Variants in RCL1 observed in about 807,000 individuals in gnomAD.
RCL1 encodes the protein RNA terminal phosphate cyclase like 1.
Under a neutral mutation model 42.4 loss-of-function variants are expected in RCL1, and 24 were observed. That is an observed-to-expected ratio of 0.57 (90% CI 0.41 to 0.80). The LOEUF (loss-of-function observed/expected upper bound fraction) is 0.80, where lower values mean the gene tolerates loss of function less well. Ranked by LOEUF, RCL1 falls within the 30% of genes least tolerant of loss-of-function variation. The pLI is 0.00. For synonymous variants in RCL1, 228 were observed against 177.3 expected (o/e 1.29, Z -2.27); for missense variants, 578 against 467.9 (o/e 1.24, Z -2.17).
intron 8 of RCL1, among the ~76,000 whole-genome samples, chr9:4,851,230 CAG>C (rs1473517455): frequency 6.6e-6 from 1 of 152,268 alleles, no homozygotes; most frequent in East Asian, 1.9e-4. Flanking sequence ...CCTGTGAAAA[CAG>C]TGTCCTGCTC....
intron 1 of RCL1, among the ~76,000 whole-genome samples, chr9:4,814,678 T>G (rs1443233365): frequency 1.3e-5 from 2 of 152,220 alleles, no homozygotes; most frequent in East Asian, 3.8e-4. Context: ...AGGTTTGATT[T>G]TTTTCTCTTT....
chr9:4,794,782 T>TC (rs1349328710), intron 1 of RCL1, among the ~76,000 whole-genome samples: 1 of 152,026 alleles, frequency 6.6e-6, no homozygotes, highest in Non-Finnish European at 1.5e-5. Context: ...CTTCTCCTTC[T>TC]CCCCCTCCAC....
rs1234416817 is a variant in RCL1, at chr9:4,860,348, T to G, written c.*73T>G. 1.1e-5 allele frequency: 17 copies of G among 1,499,694 alleles called. No individual in the cohort carries two copies. Among genetic ancestry groups the G allele is most frequent in the Non-Finnish European group, 1.4e-5 (16 of 1,105,574 alleles). The allele number at this position is 1,499,694 out of a possible 1,614,324, so 92.9% of individuals were successfully genotyped here. ...TGCCACGGACACCAATGGGACCAAGTCCAAATGGATTAATCCAGGACAGAA... is the reference window on the plus strand; with the variant it reads ...TGCCACGGACACCAATGGGACCAAGGCCAAATGGATTAATCCAGGACAGAA... On this transcript the variant is annotated 3_prime_UTR_variant, in exon 9 of 9. Transcript: ENST00000381750.
At chr9:4,806,379 CAAGTT>C (rs1359536625) in intron 1 of RCL1, among the ~76,000 whole-genome samples, 3 of 152,008 alleles carry the variant, frequency 2.0e-5, no homozygotes, top group African/African-American at 7.3e-5. Flanking sequence ...TTTAAAAAGT[CAAGTT>C]GAGAAAGTAA....
At position 4,827,049 on chromosome 9, in the gene RCL1, A is replaced by T; in HGVS notation, c.384+16A>T. ...TGACCCTTCAGTGAGTATTGAGAAC[A>T]AACCGTGGTGTGGTTTTTGTTTTGT... On this transcript the variant is annotated intron_variant, in intron 3 of 8. Coordinates refer to ENST00000381750, the MANE Select transcript of RCL1 (RefSeq NM_005772.5). The T allele has an allele frequency of 6.2e-7, 1 of 1,614,192 alleles. No homozygotes were observed. The highest frequency in any genetic ancestry group is 8.5e-7 in the Non-Finnish European group (1 of 1,180,016).
intron 7 of RCL1, among the ~76,000 whole-genome samples, chr9:4,846,894 C>CTTTTTTTTTTTTTCT (rs113376831): frequency 6.1e-5 from 9 of 148,604 alleles, no homozygotes; most frequent in Admixed American, 6.0e-4. Flanking sequence ...TAATATTTTT[C>CTTTTTTTTTTTTTCT]TTTTTTTTTT....
chr9:4,805,458 T>C (rs928529571), intron 1 of RCL1, among the ~76,000 whole-genome samples: 2 of 151,688 alleles, frequency 1.3e-5, no homozygotes, highest in African/African-American at 4.9e-5. Flanking sequence ...CCAGAGATCC[T>C]TCTTTGGATC....
intron 5 of RCL1, among the ~76,000 whole-genome samples, chr9:4,840,695 A>T (rs1000459563): frequency 1.1e-4 from 16 of 152,338 alleles, no homozygotes; most frequent in African/African-American, 3.8e-4. Flanking sequence ...ATATTTATAA[A>T]TAGCAGCAAC....
intron 8 of RCL1, among the ~76,000 whole-genome samples, chr9:4,854,574 C>A (rs1817868459): frequency 6.6e-6 from 1 of 152,236 alleles, no homozygotes; most frequent in South Asian, 2.1e-4. Context: ...GGGCTCACCC[C>A]ATGATTGCCT....
intron 5 of RCL1, among the ~76,000 whole-genome samples, chr9:4,835,221 C>T (rs1359866484): frequency 6.6e-6 from 1 of 152,096 alleles, no homozygotes; most frequent in Non-Finnish European, 1.5e-5. Flanking sequence ...ATGCAGAACG[C>T]AAAGAAAGGA....
At chr9:4,796,820 G>T (rs181246977) in intron 1 of RCL1, among the ~76,000 whole-genome samples, 2,361 of 152,256 alleles carry the variant, frequency 0.016, 57 homozygotes, top group African/African-American at 0.053. Context: ...ATTGTGAATA[G>T]TGCTGCAATA....
chr9:4,851,457 A>C (rs1252239474), intron 8 of RCL1, among the ~76,000 whole-genome samples: 1 of 152,172 alleles, frequency 6.6e-6, no homozygotes, highest in Admixed American at 6.5e-5. Context: ...TTCTGCCCCT[A>C]ATCACTATGG....
chr9:4,794,026 C>T (rs960376135), intron 1 of RCL1, among the ~76,000 whole-genome samples: 5 of 152,196 alleles, frequency 3.3e-5, no homozygotes, highest in Admixed American at 3.3e-4. Context: ...CACCTGGCCC[C>T]CTGGCATGAG....
At chr9:4,849,385 C>A in intron 7 of RCL1, 62 bp from the exon 8 acceptor site, 1 of 1,161,400 alleles carries the variant, frequency 8.6e-7, no homozygotes, top group Non-Finnish European at 1.2e-6. Context: ...TTTTTTTTTT[C>A]CTCCTCTCTT....
At chr9:4,797,599 G>C (rs796564631) in intron 1 of RCL1, among the ~76,000 whole-genome samples, 12 of 152,278 alleles carry the variant, frequency 7.9e-5, no homozygotes, top group African/African-American at 2.9e-4. Flanking sequence ...ATATCCTACA[G>C]GACAGCCTCC....
Position 4,843,410 on chromosome 9 carries a change from G to A in RCL1, c.711-1115G>A, listed in dbSNP as rs1482006036. Among the ~76,000 whole-genome samples, 3 of 152,166 alleles carry A rather than the reference G, an allele frequency of 2.0e-5. No homozygotes were observed. The East Asian group carries it at 5.8e-4, about 29-fold the overall frequency. On this transcript the variant is annotated intron_variant, in intron 6 of 8. Transcript: ENST00000381750. ...TTTCTTAATTGGGTCCTTTACCAAG[G>A]AAAGCTGTGGAGGCTGGCCTTTGCA... is the stretch of plus-strand genomic sequence containing the variant.
At chr9:4,810,078 T>C (rs1427317184) in intron 1 of RCL1, among the ~76,000 whole-genome samples, 1 of 152,226 alleles carries the variant, frequency 6.6e-6, no homozygotes, top group Non-Finnish European at 1.5e-5. Flanking sequence ...TCTGCCTGCT[T>C]TGGCCTCCCA....
chr9:4,845,562 T>G (rs546956012), intron 7 of RCL1, among the ~76,000 whole-genome samples: 1 of 152,346 alleles, frequency 6.6e-6, no homozygotes, highest in South Asian at 2.1e-4. Context: ...AAAAGATATA[T>G]TCCCTGAGAT....
At chr9:4,815,949 A>G (rs1816360791) in intron 1 of RCL1, among the ~76,000 whole-genome samples, 1 of 151,594 alleles carries the variant, frequency 6.6e-6, no homozygotes, top group African/African-American at 2.4e-5. Context: ...GGGGTGATAG[A>G]AGCTTGGCAT....
Sources: allele counts gnomAD v4.1 joint callset (sites outside exome capture counted in the v4.1 genomes callset), GRCh38; gene constraint gnomAD v4.1.1; transcripts MANE v1.5; gene names NCBI Gene and HGNC (gene_info 2026-07-23, HGNC 2026-07-21).